LRMDA: variants seen among roughly 807,000 people sequenced by gnomAD.
LRMDA encodes the protein leucine-rich melanocyte differentiation-associated protein.
A neutral mutation model predicts 29.8 loss-of-function variants in LRMDA; 18 were observed. The observed-to-expected ratio is 0.60, with a 90% CI of 0.42 to 0.90. The LOEUF (loss-of-function observed/expected upper bound fraction) is 0.90. Ranked by LOEUF, LRMDA falls within the 40% of genes least tolerant of loss-of-function variation. The probability of loss-of-function intolerance (pLI) is 0.00; values close to 1 mark genes in which losing one functional copy is unlikely to be tolerated. For missense variants in LRMDA, 273 were observed against 273.9 expected, an observed-to-expected ratio of 1.00 and a Z score of 0.02; for synonymous variants, 125 against 109.4, an observed-to-expected ratio of 1.14 and a Z score of -0.89.
chr10:76,504,562 A>G (rs1842941424), intron 6 of LRMDA, among the ~76,000 whole-genome samples: 3 of 151,898 alleles, frequency 2.0e-5, no homozygotes, highest in Admixed American at 2.0e-4. Flanking sequence ...TCATTATGTA[A>G]TGTCCTTCTT....
chr10:75,712,730 A>G (rs1045933599), intron 2 of LRMDA, among the ~76,000 whole-genome samples: 1 of 152,164 alleles, frequency 6.6e-6, no homozygotes, highest in Admixed American at 6.5e-5. Context: ...AGATTTTCCT[A>G]CCAGCCGTGG....
At chr10:75,698,390 A>G (rs1842265236) in intron 2 of LRMDA, among the ~76,000 whole-genome samples, 1 of 152,230 alleles carries the variant, frequency 6.6e-6, no homozygotes, top group Non-Finnish European at 1.5e-5. Flanking sequence ...AGGAACTTGT[A>G]CCCAGGGAAT....
At chr10:76,536,737 G>T (rs1271835407) in intron 6 of LRMDA, among the ~76,000 whole-genome samples, 1 of 152,208 alleles carries the variant, frequency 6.6e-6, no homozygotes, top group East Asian at 1.9e-4. Context: ...TCTTAGTGAT[G>T]CTAAGATTGA....
chr10:76,121,402 G>GA (rs1404855748), intron 5 of LRMDA, among the ~76,000 whole-genome samples: 1 of 152,198 alleles, frequency 6.6e-6, no homozygotes, highest in Non-Finnish European at 1.5e-5. Context: ...CAGATGTTTA[G>GA]AAGGAGGAAA....
At chr10:75,776,803 C>T (rs770478298) in intron 2 of LRMDA, among the ~76,000 whole-genome samples, 51 of 152,216 alleles carry the variant, frequency 3.4e-4, no homozygotes, top group Non-Finnish European at 3.7e-4. Flanking sequence ...GCAGCTATAA[C>T]GTGGCATTGT....
At chr10:76,148,345 T>G (rs1850370075) in intron 5 of LRMDA, among the ~76,000 whole-genome samples, 1 of 152,226 alleles carries the variant, frequency 6.6e-6, no homozygotes, top group Non-Finnish European at 1.5e-5. Flanking sequence ...CAGTTCTAGC[T>G]TCCCGGCTGC....
intron 6 of LRMDA, among the ~76,000 whole-genome samples, chr10:76,552,281 G>A (rs562329838): frequency 6.6e-6 from 1 of 152,342 alleles, no homozygotes; most frequent in Admixed American, 6.5e-5. Flanking sequence ...TATGAGACTT[G>A]GGCTTATGCC....
intron 2 of LRMDA, among the ~76,000 whole-genome samples, chr10:75,870,148 T>C (rs1278997800): frequency 6.6e-6 from 1 of 152,212 alleles, no homozygotes; most frequent in Non-Finnish European, 1.5e-5. Context: ...ATATATTTTT[T>C]GAAGGTTGAA....
chr10:76,407,793 A>G (rs577568031), intron 6 of LRMDA, among the ~76,000 whole-genome samples: 32 of 152,334 alleles, frequency 2.1e-4, no homozygotes, highest in African/African-American at 7.5e-4. Context: ...TAGGTAGGGC[A>G]ATTTCTTCAT....
chr10:76,141,990 C>G (rs111244378), intron 5 of LRMDA, among the ~76,000 whole-genome samples: 1 of 152,000 alleles, frequency 6.6e-6, no homozygotes, highest in Admixed American at 6.6e-5. Context: ...AGATTCTACT[C>G]TTGACTCATA....
At chr10:76,528,769 T>G (rs1843204761) in intron 6 of LRMDA, among the ~76,000 whole-genome samples, 1 of 152,138 alleles carries the variant, frequency 6.6e-6, no homozygotes, top group South Asian at 2.1e-4. Context: ...TGTTATGATA[T>G]CACTAGGAAC....
chr10:75,708,763 G>A (rs867813907), intron 2 of LRMDA, among the ~76,000 whole-genome samples: 22 of 152,194 alleles, frequency 1.4e-4, no homozygotes, highest in African/African-American at 5.3e-4. Context: ...TTTGGAACGA[G>A]CAAGGGTTTC....
intron 5 of LRMDA, among the ~76,000 whole-genome samples, chr10:76,159,261 C>A (rs1342723821): frequency 6.6e-6 from 1 of 152,032 alleles, no homozygotes; most frequent in African/African-American, 2.4e-5. Context: ...TATTTTGAAC[C>A]AAATGAATAT....
chr10:76,465,089 G>A (rs926033968), intron 6 of LRMDA, among the ~76,000 whole-genome samples: 2 of 152,084 alleles, frequency 1.3e-5, no homozygotes, highest in African/African-American at 2.4e-5. Flanking sequence ...TCTATATTTT[G>A]GCAGACAAGA....
chr10:76,091,768 C>T (rs1201632071), intron 5 of LRMDA, among the ~76,000 whole-genome samples: 2 of 152,154 alleles, frequency 1.3e-5, no homozygotes, highest in Non-Finnish European at 2.9e-5. Flanking sequence ...TCATTGTAAC[C>T]TCAAACTCCT....
chr10:76,056,747 C>T (rs914430480), intron 4 of LRMDA, among the ~76,000 whole-genome samples: 1 of 152,172 alleles, frequency 6.6e-6, no homozygotes, highest in Non-Finnish European at 1.5e-5. Context: ...TGGGAGCAGG[C>T]ACTCCCAAGC....
chr10:76,523,161 C>A (rs1354141435), intron 6 of LRMDA, among the ~76,000 whole-genome samples: 1 of 151,534 alleles, frequency 6.6e-6, no homozygotes, highest in Non-Finnish European at 1.5e-5. Flanking sequence ...GAGGCCTGGG[C>A]ACTTAGCTCT....
At chr10:76,146,975 G>A (rs532912480) in intron 5 of LRMDA, among the ~76,000 whole-genome samples, 10 of 152,284 alleles carry the variant, frequency 6.6e-5, no homozygotes, top group African/African-American at 2.2e-4. Context: ...GAAATTCTGG[G>A]TTGAAAATTC....
intron 6 of LRMDA, among the ~76,000 whole-genome samples, chr10:76,520,478 C>A (rs1037367556): frequency 2.0e-5 from 3 of 152,014 alleles, no homozygotes; most frequent in African/African-American, 7.2e-5. Flanking sequence ...AATGCAGAAT[C>A]ATTTTCTAAA....
Sources: gnomAD v4.1 joint callset for allele counts (sites outside exome capture counted in the v4.1 genomes callset) on GRCh38, gnomAD v4.1.1 for gene constraint, MANE v1.5 for transcripts, NCBI Gene and HGNC (gene_info 2026-07-23, HGNC 2026-07-21) for gene names.